Variants in THAP5 observed in about 807,000 individuals in gnomAD.
THAP5 encodes THAP domain containing 5, also known as THAP domain-containing protein 5.
Under a neutral mutation model 34.0 loss-of-function variants are expected in THAP5, and 26 were observed. The observed-to-expected ratio is 0.77, with a 90% CI of 0.56 to 1.06. THAP5 has a LOEUF of 1.06. Ranked by LOEUF, THAP5 falls within the 50% of genes least tolerant of loss-of-function variation. THAP5 has a pLI of 0.00. For synonymous variants in THAP5, 125 were observed against 153.0 expected, an observed-to-expected ratio of 0.82 and a Z score of 1.35; for missense variants, 394 against 452.8, an observed-to-expected ratio of 0.87 and a Z score of 1.18.
In THAP5 at chr7:108,564,475, CTG is replaced by C; in HGVS notation, c.902_903del (p.Thr301ArgfsTer3). On this transcript the variant is annotated frameshift_variant, in exon 3 of 3. Transcript: ENST00000415914. LOFTEE classifies it high-confidence loss of function. ...AQKETTEMEDTDIEDSLYKDV... is the reference protein window; with the variant it reads ...AQKETTEMEDXDIEDSLYKDV... ...TCCTTATACAAGGAGTCTTCAATGTCTGTGTCTTCCATTTCCGTGGTTTCTTT... is the reference window on the plus strand; with the variant it reads ...TCCTTATACAAGGAGTCTTCAATGTCTGTCTTCCATTTCCGTGGTTTCTTT... The C allele has an allele frequency of 6.2e-7, 1 of 1,613,930 alleles. No homozygotes were observed. Among genetic ancestry groups the C allele is most frequent in the Non-Finnish European group, 8.5e-7 (1 of 1,179,922 alleles).
downstream of THAP5, among the ~76,000 whole-genome samples, chr7:108,559,734 C>T (rs551163059): frequency 4.0e-5 from 6 of 151,574 alleles, no homozygotes; most frequent in African/African-American, 1.4e-4. Flanking sequence ...GGGAAGCTGG[C>T]ACATTTTACA....
At chr7:108,551,780 C>A (rs769352771), downstream of THAP5, among the ~76,000 whole-genome samples, 2 of 152,120 alleles carry the variant, frequency 1.3e-5, no homozygotes, top group Non-Finnish European at 2.9e-5. Flanking sequence ...TTAAACCAGA[C>A]CAATTGAATG....
chr7:108,550,357 T>C (rs1402406134), downstream of THAP5, among the ~76,000 whole-genome samples: 2 of 152,250 alleles, frequency 1.3e-5, no homozygotes, highest in Non-Finnish European at 2.9e-5. Context: ...CCTTGGTAAG[T>C]ACCTGTTTTT....
chr7:108,565,092 G>A lies in THAP5; in HGVS notation c.287C>T (p.Ser96Phe). 3 of 1,514,216 alleles carry A rather than the reference G, an allele frequency of 2.0e-6. No homozygotes were observed. Among genetic ancestry groups the A allele is most frequent in the Non-Finnish European group, 2.6e-6 (3 of 1,133,170 alleles). The allele number at this position is 1,514,216 out of a possible 1,614,324, so 93.8% of individuals were successfully genotyped here. A position where few individuals can be genotyped will look rare whatever the true frequency, so the allele number is the denominator to read the frequency against. Residue 96 changes from serine (S) to phenylalanine (F), a missense_variant, in exon 3 of 3, where the codon TCT (serine) becomes TTT (phenylalanine). Transcript: ENST00000415914. ...GTTTTTCTTCTGGGATTTTTTTTTAGAAGGGTCTTTTCCCTAGAAAATAAT... is the reference window on the plus strand; with the variant it reads ...GTTTTTCTTCTGGGATTTTTTTTTAAAAGGGTCTTTTCCCTAGAAAATAAT... ...LPEDNQGKDP[S>F]KKKSQKKNLE...
At chr7:108,547,213 C>T in the THAP5 span, among the ~76,000 whole-genome samples, 1,831 of 152,244 alleles carry the variant, frequency 0.012, 47 homozygotes, top group African/African-American at 0.042. Flanking sequence ...CTTTTAATAC[C>T]ACACTGATGA....
downstream of THAP5, among the ~76,000 whole-genome samples, chr7:108,552,783 G>T (rs1864361727): frequency 7.3e-6 from 1 of 137,160 alleles, no homozygotes; most frequent in Non-Finnish European, 1.6e-5. Context: ...CTGGGTGAGA[G>T]AGCGAGACTC....
At position 108,564,988 on chromosome 7, in the gene THAP5, C is replaced by T. The variant is rs532108625; in HGVS notation, c.391G>A (p.Val131Ile). 2.3e-5 allele frequency: 36 copies of T among 1,552,674 alleles called. 2 individuals are homozygous for T. The South Asian group carries it at 3.3e-4, about 14-fold the overall frequency. The change falls in exon 3 of 3, where the codon GTT (valine) becomes ATT (isoleucine). Residue 131 changes from valine (V) to isoleucine (I), a missense_variant. Transcript: ENST00000415914. Reference protein sequence around the residue: ...FVLNETKKNIVNTDVPHQHPE... With the variant: ...FVLNETKKNIINTDVPHQHPE... ...TGTTGATGGGGCACATCTGTGTTAA[C>T]TATATTTTTCTTTGTCTCATTTAAT...
In THAP5 at chr7:108,564,210, TATGTTGTA is replaced by T. The variant is rs1278644626; in HGVS notation, c.1161_1168del (p.Phe387LeufsTer2). 6.3e-7 allele frequency: 1 copy of T among 1,595,608 alleles called. No homozygotes were observed. The highest frequency in any genetic ancestry group is 8.5e-7 in the Non-Finnish European group (1 of 1,173,152). Reference sequence around the variant, plus strand: ...GTTATTCTATATCATAGTGACTTCATATGTTGTAAAATGGTTTTCTATAATCTTGACGT... The same window carrying T: ...GTTATTCTATATCATAGTGACTTCATAAATGGTTTTCTATAATCTTGACGT... On this transcript the variant is annotated frameshift_variant, in exon 3 of 3. Coordinates refer to ENST00000415914, the MANE Select transcript of THAP5 (RefSeq NM_001130475.3). LOFTEE classifies it high-confidence loss of function.
At chr7:108,544,479 C>A in the THAP5 span, among the ~76,000 whole-genome samples, 1 of 150,904 alleles carries the variant, frequency 6.6e-6, no homozygotes, top group Non-Finnish European at 1.5e-5. Flanking sequence ...TGCAGAGAGC[C>A]GAGATCGCGC....
At position 108,563,823 on chromosome 7, in the gene THAP5, A is replaced by T. The variant is rs1274448212; in HGVS notation, c.*368T>A. ...TGCTTATTTTACAAATTAGGGACTG[A>T]GGCACAATCATAAGTAACTTGCCCA... is the stretch of plus-strand genomic sequence containing the variant. On this transcript the variant is annotated 3_prime_UTR_variant, in exon 3 of 3. Transcript: ENST00000415914. The T allele has an allele frequency of 6.2e-6, 1 of 161,838 alleles. No individual in the cohort carries two copies. The highest frequency in any genetic ancestry group is 2.4e-5 in the African/African-American group (1 of 41,786). 10.0% of individuals were successfully genotyped at this position (161,838 alleles called of 1,614,324 possible). A position where few individuals can be genotyped will look rare whatever the true frequency, so the allele number is the denominator to read the frequency against.
At position 108,569,690 on chromosome 7, in the gene THAP5, G is replaced by T. The variant is rs1041264273; in HGVS notation, c.-121C>A. 1.5e-6 allele frequency: 2 copies of T among 1,333,800 alleles called. No individual in the cohort carries two copies. The highest frequency in any genetic ancestry group is 1.3e-5 in the South Asian group (1 of 77,798). 82.6% of individuals were successfully genotyped at this position (1,333,800 alleles called of 1,614,324 possible). On this transcript the variant is annotated 5_prime_UTR_variant, in exon 1 of 3. Coordinates refer to ENST00000415914, the MANE Select transcript of THAP5 (RefSeq NM_001130475.3). ...CTGCGCCTGCGCTAGCATTCTGCCG[G>T]GAAAGCCGCCTCGTCTGTCGACTCA...
the THAP5 span, among the ~76,000 whole-genome samples, chr7:108,546,550 G>A: frequency 5.3e-5 from 8 of 152,300 alleles, no homozygotes; most frequent in East Asian, 1.9e-4. Flanking sequence ...GTAAGGGGAC[G>A]AGGAGGAAGA....
downstream of THAP5, among the ~76,000 whole-genome samples, chr7:108,561,816 G>A (rs2214911): frequency 4.4e-4 from 67 of 152,112 alleles, no homozygotes; most frequent in Admixed American, 1.3e-3. Context: ...GATGTAGGAA[G>A]AGAAAAGGCA....
chr7:108,556,393 GA>G (rs1864385985), intron 1 of THAP5, among the ~76,000 whole-genome samples: 1 of 152,112 alleles, frequency 6.6e-6, no homozygotes, highest in South Asian at 2.1e-4. Context: ...CTGTAAAAAT[GA>G]ATCAAAAACA....
intron 1 of THAP5, among the ~76,000 whole-genome samples, chr7:108,555,489 C>A (rs1564007844): frequency 6.6e-6 from 1 of 151,874 alleles, no homozygotes; most frequent in Non-Finnish European, 1.5e-5. Context: ...ATTTTTAACA[C>A]CTTCTTTCAA....
Position 108,564,905 on chromosome 7 carries a change from A to G in THAP5, c.474T>C (p.Ser158=). The G allele has an allele frequency of 3.8e-6, 6 of 1,587,666 alleles. No individual in the cohort carries two copies. Among genetic ancestry groups the G allele is most frequent in the Non-Finnish European group, 5.2e-6 (6 of 1,163,518 alleles). Residue 158 remains serine, a synonymous_variant, in exon 3 of 3, where the codon AGT becomes AGC. Transcript: ENST00000415914. ...LVKPPAPKTG[S]IQNNMLTLNL... ...TAAGAGTTAACATGTTATTTTGTATACTTCCTGTTTTGGGAGCTGGTGGCT... is the reference window on the plus strand; with the variant it reads ...TAAGAGTTAACATGTTATTTTGTATGCTTCCTGTTTTGGGAGCTGGTGGCT...
chr7:108,558,931 T>A, downstream of THAP5, among the ~76,000 whole-genome samples: 1 of 152,242 alleles, frequency 6.6e-6, no homozygotes, highest in East Asian at 1.9e-4. Flanking sequence ...AAATATAGTT[T>A]AAAAGACATC....
Position 108,566,028 on chromosome 7 carries a change from A to G in THAP5, c.81-6T>C, listed in dbSNP as rs1261330875. 2.7e-6 allele frequency: 4 copies of G among 1,498,510 alleles called. No homozygotes were observed. The highest frequency in any genetic ancestry group is 2.6e-5 in the South Asian group (2 of 75,918). 92.8% of individuals were successfully genotyped at this position (1,498,510 alleles called of 1,614,324 possible). On this transcript the variant is annotated splice_polypyrimidine_tract_variant and splice_region_variant and intron_variant, in intron 1 of 2. Transcript: ENST00000415914. ...CTTTGTCATGTAGAGGAAATCTGGAATTTAAAAAAAAAAGAAGAAAAAAGG... is the reference window on the plus strand; with the variant it reads ...CTTTGTCATGTAGAGGAAATCTGGAGTTTAAAAAAAAAAGAAGAAAAAAGG...
the THAP5 span, among the ~76,000 whole-genome samples, chr7:108,545,430 C>T: frequency 6.6e-6 from 1 of 152,190 alleles, no homozygotes; most frequent in Non-Finnish European, 1.5e-5. Flanking sequence ...TGACAATTTG[C>T]TGTCAGTTCC....
Sources: allele counts gnomAD v4.1 joint callset (sites outside exome capture counted in the v4.1 genomes callset), GRCh38; gene constraint gnomAD v4.1.1; transcripts MANE v1.5; gene names NCBI Gene and HGNC (gene_info 2026-07-23, HGNC 2026-07-21).